HERC1: variants seen among roughly 807,000 people sequenced by gnomAD.
The protein encoded by HERC1 is probable E3 ubiquitin-protein ligase HERC1.
Under a neutral mutation model 554.3 loss-of-function variants are expected in HERC1, and 160 were observed. The observed-to-expected ratio is 0.29, with a 90% confidence interval of 0.25 to 0.33. The LOEUF is 0.33. Ranked by LOEUF, HERC1 falls within the 10% of genes least tolerant of loss-of-function variation. The pLI is 1.00. For missense variants in HERC1, 4,919 were observed against 5,918.5 expected (o/e 0.83, Z 5.54); for synonymous variants, 2,175 against 2,131.7 (o/e 1.02, Z -0.56).
chr15:63,806,579 T>G (rs2077146656), intron 1 of HERC1, among the ~76,000 whole-genome samples: 2 of 152,186 alleles, frequency 1.3e-5, no homozygotes, highest in Non-Finnish European at 2.9e-5. Flanking sequence ...TACTCTTTTG[T>G]CCCTTTCAGC....
At position 63,692,463 on chromosome 15, in the gene HERC1, G is replaced by A. The variant is rs1306244869; in HGVS notation, c.5778C>T (p.Ser1926=). 6.2e-7 allele frequency: 1 copy of A among 1,613,302 alleles called. No homozygotes were observed. The highest frequency in any genetic ancestry group is 8.5e-7 in the Non-Finnish European group (1 of 1,179,696). Residue 1926 remains serine (S), a synonymous_variant, in exon 31 of 78, where the codon TCC becomes TCT. Coordinates refer to ENST00000443617, the MANE Select transcript of HERC1 (RefSeq NM_003922.4). This position sits in a 1 kb window ranked among gnomAD's most constrained non-coding sequence, Gnocchi z 4.7. The part of the protein sequence containing the change: ...SSKAIQSKMA[S]PKWTEVLLNI... ...TTAGAAGCACTTCGGTCCACTTTGG[G>A]GAAGCCATTTTTGATTGAATTGCTT...
Position 63,827,832 on chromosome 15 carries a change from C to T in HERC1, c.-27+5995G>A, listed in dbSNP as rs115630661. Among the ~76,000 whole-genome samples, 172 of 152,268 alleles carry T rather than the reference C, an allele frequency of 1.1e-3. 1 individual carries two copies. The highest frequency in any genetic ancestry group is 4.1e-3 in the African/African-American group (170 of 41,544). On this transcript the variant is annotated intron_variant, in intron 1 of 77. Transcript: ENST00000443617. Reference sequence around the variant, plus strand: ...AAAAGGAATGAAGTACTGATACATGCTACAACATGGATGAACCTTGACAAA... The same window carrying T: ...AAAAGGAATGAAGTACTGATACATGTTACAACATGGATGAACCTTGACAAA...
Position 63,712,840 on chromosome 15 carries a change from G to A in HERC1, c.4519C>T (p.Leu1507=), listed in dbSNP as rs1465170399. Residue 1507 remains leucine, a synonymous_variant, in exon 24 of 78, where the codon CTG becomes TTG. Transcript: ENST00000443617. The stretch of plus-strand genomic sequence containing the variant: ...TCAGATTCACTCCTCGATTTGATCA[G>A]TCTATAATTTGGGCTTGTGTGGACT... ...RLVHTSPNYR[L]IKSRSESDLS... 1 of 1,613,622 alleles carries A rather than the reference G, an allele frequency of 6.2e-7. No homozygotes were observed. The highest frequency in any genetic ancestry group is 8.5e-7 in the Non-Finnish European group (1 of 1,179,680).
chr15:63,637,408 T>C (rs1595869561), intron 64 of HERC1, 97 bp downstream of exon 64: 3 of 1,024,242 alleles, frequency 2.9e-6, no homozygotes, highest in East Asian at 5.2e-5. Context: ...CTGATATGAT[T>C]TTATCTAGCA....
chr15:63,643,251 A>G (rs1271685366), intron 58 of HERC1, among the ~76,000 whole-genome samples, 153 bp downstream of exon 58: 1 of 152,256 alleles, frequency 6.6e-6, no homozygotes, highest in Non-Finnish European at 1.5e-5. Context: ...CATCAGTAAG[A>G]AAAATGTAAG....
intron 24 of HERC1, among the ~76,000 whole-genome samples, chr15:63,709,794 T>G (rs1032281231): frequency 6.6e-6 from 1 of 152,208 alleles, no homozygotes; most frequent in Non-Finnish European, 1.5e-5. Context: ...AGATTTCTAG[T>G]GGGTTTACTG....
intron 76 of HERC1, among the ~76,000 whole-genome samples, chr15:63,613,142 G>C (rs1455259576): frequency 1.3e-5 from 2 of 152,170 alleles, no homozygotes; most frequent in Non-Finnish European, 2.9e-5. Flanking sequence ...GAAGAGACTT[G>C]GGTTCTAACT....
intron 1 of HERC1, among the ~76,000 whole-genome samples, chr15:63,788,356 C>T (rs1401707713): frequency 1.3e-5 from 2 of 152,024 alleles, no homozygotes; most frequent in African/African-American, 4.8e-5. Context: ...TGGGATACTA[C>T]CGAAATAAAT....
chr15:63,712,315 A>G (rs2073339542), intron 24 of HERC1, among the ~76,000 whole-genome samples: 1 of 152,240 alleles, frequency 6.6e-6, no homozygotes, highest in Non-Finnish European at 1.5e-5. Context: ...TTGGAGACAC[A>G]CTAACGGTAA....
Position 63,694,141 on chromosome 15 carries a change from G to C in HERC1, c.5497C>G (p.Leu1833Val), listed in dbSNP as rs773292602. Residue 1833 changes from leucine (L) to valine (V), a missense_variant, in exon 30 of 78, where the codon CTG (leucine) becomes GTG (valine). Around this residue, in one of 11 missense-constraint regions of HERC1, gnomAD observed 1,121 missense variants for 1,244.0 expected, o/e 0.90. Coordinates refer to ENST00000443617, the MANE Select transcript of HERC1 (RefSeq NM_003922.4). This position sits in a 1 kb window ranked among gnomAD's most constrained non-coding sequence, Gnocchi z 4.3. ...AAGGATTGAACTACTTTGGGACTCA[G>C]TTTATCAGCATAGGTCCTATGTGAA... ...AITTGTYADK[L>V]SPKVVQSLLD... The C allele has an allele frequency of 3.1e-6, 5 of 1,605,962 alleles. No homozygotes were observed. The South Asian group carries it at 5.6e-5, about 18-fold the overall frequency.
intron 34 of HERC1, among the ~76,000 whole-genome samples, chr15:63,681,497 T>C (rs1023600345): frequency 6.6e-6 from 1 of 151,954 alleles, no homozygotes. Flanking sequence ...ACACCTAGTG[T>C]GACTATTACT....
At chr15:63,708,293 T>C (rs897074245) in intron 24 of HERC1, among the ~76,000 whole-genome samples, 2 of 152,192 alleles carry the variant, frequency 1.3e-5, no homozygotes, top group Admixed American at 6.5e-5. Flanking sequence ...TTTTATCTTT[T>C]AGACACTGTG....
At chr15:63,755,684 T>C (rs1213578993) in intron 5 of HERC1, among the ~76,000 whole-genome samples, 1 of 151,900 alleles carries the variant, frequency 6.6e-6, no homozygotes, top group Non-Finnish European at 1.5e-5. Flanking sequence ...GAAAGCTGAG[T>C]TGGGAGGACC....
In HERC1 at chr15:63,645,029, C is replaced by T. The variant is rs751368051; in HGVS notation, c.11147G>A (p.Ser3716Asn). The T allele has an allele frequency of 1.2e-6, 2 of 1,613,684 alleles. No homozygotes were observed. Among genetic ancestry groups the T allele is most frequent in the Admixed American group, 1.7e-5 (1 of 60,026 alleles). The change falls in exon 57 of 78, where the codon AGT (serine) becomes AAT (asparagine). Residue 3716 changes from serine (S) to asparagine (N), a missense_variant. Transcript: ENST00000443617. ...PQDTTQTNVT[S>N]AEGWWEQESN... ...TTCCTGCTCCCACCATCCTTCTGCACTAGTCACATTGGTCTGTGTAGTATC... is the reference window on the plus strand; with the variant it reads ...TTCCTGCTCCCACCATCCTTCTGCATTAGTCACATTGGTCTGTGTAGTATC...
At chr15:63,630,419 T>C in intron 69 of HERC1, 47 bp downstream of exon 69, 1 of 1,555,512 alleles carries the variant, frequency 6.4e-7, no homozygotes, top group Non-Finnish European at 8.8e-7. Flanking sequence ...AGGAACACTG[T>C]GAGATTTCTA....
chr15:63,658,017 T>C (rs975969844), intron 48 of HERC1, among the ~76,000 whole-genome samples: 12 of 152,244 alleles, frequency 7.9e-5, no homozygotes, highest in African/African-American at 2.4e-4. Flanking sequence ...CTTGAGCCAA[T>C]AGCACACAGT....
At chr15:63,645,862 A>C (rs1411309845) in intron 55 of HERC1, among the ~76,000 whole-genome samples, 180 bp from the exon 56 acceptor site, 2 of 152,160 alleles carry the variant, frequency 1.3e-5, no homozygotes, top group Non-Finnish European at 2.9e-5. Flanking sequence ...AGACCAACTT[A>C]CCCTTTAATG....
chr15:63,775,279 A>C lies in HERC1; in HGVS notation c.345T>G (p.Tyr115Ter), dbSNP rs1419591382. The change falls in exon 2 of 78, where the codon TAT becomes TAG. Residue 115 changes from tyrosine (Y) to a stop codon, truncating the protein, a stop_gained. Transcript: ENST00000443617. LOFTEE classifies it high-confidence loss of function. This position sits in a 1 kb window ranked among gnomAD's most constrained non-coding sequence, Gnocchi z 4.0. ...KRLLVLQRVF[Y>*]ALSNKYHDKG... is the part of the protein sequence containing the mutation. ...TGTCATGGTATTTATTAGAAAGTGC[A>C]TAAAAGACACGCTGGAGTACAAGCA... The C allele has an allele frequency of 6.2e-7, 1 of 1,614,058 alleles. No homozygotes were observed.
intron 7 of HERC1, 106 bp downstream of exon 7, chr15:63,754,399 C>T: frequency 1.5e-6 from 1 of 668,600 alleles, no homozygotes; most frequent in Non-Finnish European, 2.2e-6. Flanking sequence ...AATTTCTGCT[C>T]ATCTGTATTT....
Sources: gnomAD v4.1 joint callset for allele counts (sites outside exome capture counted in the v4.1 genomes callset) on GRCh38, gnomAD v4.1.1 for gene constraint, gnomAD v4.1.1 regional missense constraint, Gnocchi (gnomAD v3.1) non-coding constraint, MANE v1.5 for transcripts, NCBI Gene and HGNC (gene_info 2026-07-23, HGNC 2026-07-21) for gene names.